Variants in WNT2B observed in about 807,000 individuals in gnomAD.
The protein encoded by WNT2B is Wnt family member 2B.
A neutral mutation model predicts 40.5 loss-of-function variants in WNT2B; 19 were observed. The observed-to-expected ratio is 0.47, with a 90% CI of 0.33 to 0.69. The LOEUF (loss-of-function observed/expected upper bound fraction) is 0.69, where lower values mean the gene tolerates loss of function less well. WNT2B is among the 30% of genes least tolerant of loss of function. The pLI, the probability that WNT2B is intolerant of heterozygous loss-of-function variation, is 0.02. For missense variants in WNT2B, 467 were observed against 556.4 expected (o/e 0.84, Z 1.62); for synonymous variants, 220 against 211.9 (o/e 1.04, Z -0.33).
At chr1:112,500,625 A>T (rs960468428) in intron 1 of WNT2B, among the ~76,000 whole-genome samples, 1 of 151,926 alleles carries the variant, frequency 6.6e-6, no homozygotes, top group Non-Finnish European at 1.5e-5. Context: ...TTTTTTAATT[A>T]TTTAGGCATG....
Position 112,516,215 on chromosome 1 carries a change from A to T in WNT2B, c.479A>T (p.Gln160Leu). The T allele has an allele frequency of 6.2e-7, 1 of 1,614,070 alleles. No individual in the cohort carries two copies. Residue 160 changes from glutamine to leucine, a missense_variant, in exon 3 of 5, where the codon CAG becomes CTG. Gln to Leu is a moderately radical substitution (Grantham distance 113). Around this residue, in one of 2 missense-constraint regions of WNT2B, gnomAD observed 330 missense variants for 438.6 expected, o/e 0.75. Transcript: ENST00000369684. ...CACGCTATTACTCGCGCCTGTAGCC[A>T]GGGTGAACTGAGTGTGTGCAGCTGT... ...VVHAITRACS[Q>L]GELSVCSCDP...
intron 1 of WNT2B, among the ~76,000 whole-genome samples, chr1:112,513,220 G>A (rs1397042127): frequency 6.6e-6 from 1 of 152,184 alleles, no homozygotes; most frequent in East Asian, 1.9e-4. Flanking sequence ...CAACTCCAAC[G>A]GTCTTGATTC....
At chr1:112,514,095 T>C (rs1195067384) in intron 1 of WNT2B, among the ~76,000 whole-genome samples, 1 of 152,216 alleles carries the variant, frequency 6.6e-6, no homozygotes, top group Non-Finnish European at 1.5e-5. Flanking sequence ...TTGTTCATAT[T>C]GGACAGACTG....
chr1:112,514,513 T>A (rs1026506630), intron 1 of WNT2B, among the ~76,000 whole-genome samples: 10 of 152,312 alleles, frequency 6.6e-5, no homozygotes, highest in Admixed American at 3.3e-4. Context: ...AGTTTATGTT[T>A]CCATGAAGCT....
At chr1:112,516,025 G>T in intron 2 of WNT2B, 115 bp from the exon 3 acceptor site, 1 of 1,379,856 alleles carries the variant, frequency 7.2e-7, no homozygotes, top group Non-Finnish European at 9.9e-7. Context: ...GTGTAGGGGT[G>T]ACTCTGGGAA....
chr1:112,492,135 A>G (rs1473807753), intron 1 of WNT2B, among the ~76,000 whole-genome samples: 1 of 152,246 alleles, frequency 6.6e-6, no homozygotes, highest in Non-Finnish European at 1.5e-5. Flanking sequence ...TAAAGAAACT[A>G]TTATAAATCA....
intron 1 of WNT2B, among the ~76,000 whole-genome samples, chr1:112,486,284 A>G (rs1481164769): frequency 2.6e-5 from 4 of 152,086 alleles, no homozygotes; most frequent in African/African-American, 9.7e-5. Flanking sequence ...CTCTACAAAA[A>G]AATTTTTAAT....
chr1:112,491,180 C>A, intron 1 of WNT2B: 1 of 1,179,764 alleles, frequency 8.5e-7, no homozygotes, highest in Non-Finnish European at 1.2e-6. Context: ...GAGGCTGAGG[C>A]GGGTGGATCA....
chr1:112,508,071 G>A (rs985131970), upstream of WNT2B, among the ~76,000 whole-genome samples: 4 of 152,048 alleles, frequency 2.6e-5, no homozygotes, highest in African/African-American at 7.2e-5. This position sits in a 1 kb window ranked among gnomAD's most constrained non-coding sequence, Gnocchi z 4.2. Context: ...GAGGAGGCAG[G>A]GCGAGAAGAC....
chr1:112,501,270 T>G (rs1253320887), intron 1 of WNT2B, among the ~76,000 whole-genome samples: 1 of 152,232 alleles, frequency 6.6e-6, no homozygotes, highest in Non-Finnish European at 1.5e-5. Flanking sequence ...ACTATCAACC[T>G]GACACTGGTA....
intron 1 of WNT2B, among the ~76,000 whole-genome samples, chr1:112,483,333 A>C (rs550827310): frequency 6.6e-6 from 1 of 152,324 alleles, no homozygotes; most frequent in Admixed American, 6.5e-5. Context: ...CCATGCATCT[A>C]TAGTCAACTG....
Position 112,520,477 on chromosome 1 carries a change from C to G in WNT2B, c.1144C>G (p.Pro382Ala). The change falls in exon 5 of 5, where the codon CCC becomes GCC. Residue 382 changes from proline (P) to alanine (A), a missense_variant. Pro to Ala is a conservative substitution (Grantham distance 27, BLOSUM62 -1). This residue lies in a region of WNT2B where 330 missense variants were observed against 438.6 expected (regional missense o/e 0.75). Coordinates refer to ENST00000369684, the MANE Select transcript of WNT2B (RefSeq NM_024494.3). Reference protein sequence around the residue: ...NTVDVHTCKAPKKAEWLDQT With the variant: ...NTVDVHTCKAAKKAEWLDQT Reference sequence around the variant, plus strand: ...TGTGGACGTCCATACTTGCAAAGCCCCCAAGAAGGCAGAGTGGCTGGACCA... The same window carrying G: ...TGTGGACGTCCATACTTGCAAAGCCGCCAAGAAGGCAGAGTGGCTGGACCA... The G allele has an allele frequency of 1.2e-6, 2 of 1,614,146 alleles. No homozygotes were observed. The highest frequency in any genetic ancestry group is 1.7e-6 in the Non-Finnish European group (2 of 1,180,020).
exon 1 of WNT2B, chr1:112,467,376 G>A: frequency 1.7e-6 from 1 of 595,346 alleles, no homozygotes. Flanking sequence ...AGAAGCTAAT[G>A]AGGTTTAAGC....
chr1:112,482,314 G>A (rs1050103375), intron 1 of WNT2B, among the ~76,000 whole-genome samples: 2 of 152,108 alleles, frequency 1.3e-5, no homozygotes, highest in African/African-American at 2.4e-5. Context: ...ACAAGACCCT[G>A]TGTCAAAAAA....
upstream of WNT2B, among the ~76,000 whole-genome samples, chr1:112,504,315 C>T (rs946075997): frequency 2.6e-4 from 39 of 152,228 alleles, no homozygotes; most frequent in African/African-American, 8.4e-4. Context: ...CTTTACATCC[C>T]TCTCTTCCTT....
intron 1 of WNT2B, among the ~76,000 whole-genome samples, chr1:112,492,407 G>A (rs1008025063): frequency 3.9e-5 from 6 of 152,198 alleles, no homozygotes; most frequent in African/African-American, 1.4e-4. Context: ...CAAAACCTGA[G>A]CTGTAATTGA....
chr1:112,478,653 G>A (rs1651126048), intron 1 of WNT2B, among the ~76,000 whole-genome samples: 1 of 152,092 alleles, frequency 6.6e-6, no homozygotes, highest in Non-Finnish European at 1.5e-5. Context: ...GGGCATGGTG[G>A]CTCACACCTG....
chr1:112,495,786 G>T (rs990562744), intron 1 of WNT2B, among the ~76,000 whole-genome samples: 4 of 152,120 alleles, frequency 2.6e-5, no homozygotes, highest in African/African-American at 7.2e-5. Context: ...GCACAGATTG[G>T]GCAGTTTATA....
intron 4 of WNT2B, among the ~76,000 whole-genome samples, chr1:112,518,733 G>A (rs995820938): frequency 1.3e-5 from 2 of 152,146 alleles, no homozygotes; most frequent in South Asian, 2.1e-4. Context: ...ATGTGTGTTC[G>A]TTTTTCTCAG....
Sources: gnomAD v4.1 joint callset for allele counts (sites outside exome capture counted in the v4.1 genomes callset) on GRCh38, gnomAD v4.1.1 for gene constraint, gnomAD v4.1.1 regional missense constraint, Gnocchi (gnomAD v3.1) non-coding constraint, MANE v1.5 for transcripts, NCBI Gene and HGNC (gene_info 2026-07-23, HGNC 2026-07-21) for gene names.